Variants in SLCO3A1 observed in about 807,000 individuals in gnomAD.
SLCO3A1 encodes the protein solute carrier organic anion transporter family member 3A1, also known as PGE1 transporter.
A neutral mutation model predicts 63.1 loss-of-function variants in SLCO3A1; 27 were observed. The observed-to-expected ratio is 0.43, with a 90% CI of 0.32 to 0.59. SLCO3A1 has a LOEUF of 0.59. Among genes scored for constraint, SLCO3A1 ranks in the 20% least tolerant of loss-of-function variants. The pLI, the probability that SLCO3A1 is intolerant of heterozygous loss-of-function variation, is 0.09. For synonymous variants in SLCO3A1, 473 were observed against 409.9 expected, an observed-to-expected ratio of 1.15 and a Z score of -1.86; for missense variants, 773 against 945.8, an observed-to-expected ratio of 0.82 and a Z score of 2.40.
At chr15:92,139,201 G>C (rs2048096276) in intron 7 of SLCO3A1, among the ~76,000 whole-genome samples, 1 of 150,080 alleles carries the variant, frequency 6.7e-6, no homozygotes, top group South Asian at 2.1e-4. Flanking sequence ...GTTGAATTTT[G>C]TCAAAGGCTT....
chr15:92,074,275 C>T (rs570353359), intron 2 of SLCO3A1, among the ~76,000 whole-genome samples: 13 of 152,316 alleles, frequency 8.5e-5, no homozygotes, highest in African/African-American at 2.9e-4. Flanking sequence ...TTGCTGCCTG[C>T]CCATTGCTGA....
chr15:91,905,077 T>G (rs1898261165), intron 1 of SLCO3A1, among the ~76,000 whole-genome samples: 1 of 152,174 alleles, frequency 6.6e-6, no homozygotes, highest in Non-Finnish European at 1.5e-5. Flanking sequence ...TTCCACATCA[T>G]TGCTCTCACA....
At chr15:91,939,218 A>G (rs1899527461) in intron 2 of SLCO3A1, among the ~76,000 whole-genome samples, 1 of 152,140 alleles carries the variant, frequency 6.6e-6, no homozygotes, top group Admixed American at 6.5e-5. Context: ...AAATGGCCAA[A>G]ACAGGAACGA....
At chr15:92,160,853 C>T (rs2048428140) in intron 9 of SLCO3A1, among the ~76,000 whole-genome samples, 1 of 152,154 alleles carries the variant, frequency 6.6e-6, no homozygotes, top group African/African-American at 2.4e-5. Context: ...CCTTTGGAGG[C>T]CCCACAGAAT....
chr15:91,941,049 C>A lies in SLCO3A1; in HGVS notation c.646+24591C>A, dbSNP rs1899603316. Among the ~76,000 whole-genome samples the A allele has an allele frequency of 1.3e-5, 2 of 152,142 alleles. No individual in the cohort carries two copies. Among genetic ancestry groups the A allele is most frequent in the South Asian group, 4.1e-4 (2 of 4,832 alleles). On this transcript the variant is annotated intron_variant, in intron 2 of 9. Coordinates refer to ENST00000318445, the MANE Select transcript of SLCO3A1 (RefSeq NM_013272.4). The surrounding 1 kb of genome is among the most constrained non-coding windows in gnomAD (Gnocchi z 4.4). Reference sequence around the variant, plus strand: ...GAGGGAGTGGGTGGAAAGGAAATCACCCTTTAAAATTTATGACCATTTTCT... The same window carrying A: ...GAGGGAGTGGGTGGAAAGGAAATCAACCTTTAAAATTTATGACCATTTTCT...
chr15:92,130,885 CAAAAAAAAAA>C (rs993611856), intron 7 of SLCO3A1, among the ~76,000 whole-genome samples: 9 of 21,802 alleles, frequency 4.1e-4, no homozygotes, highest in African/African-American at 8.6e-4. Context: ...AAGTTCGGGG[CAAAAAAAAAA>C]AAAAAAAAAA....
chr15:91,969,349 A>C (rs1900775461), intron 2 of SLCO3A1, among the ~76,000 whole-genome samples: 1 of 151,026 alleles, frequency 6.6e-6, no homozygotes, highest in Non-Finnish European at 1.5e-5. Context: ...TCTGTTGCCC[A>C]GGCTGGATTG....
intron 1 of SLCO3A1, among the ~76,000 whole-genome samples, chr15:91,871,262 A>G (rs1209775059): frequency 2.0e-5 from 3 of 152,128 alleles, no homozygotes; most frequent in African/African-American, 7.2e-5. Flanking sequence ...GTTGAGCTGT[A>G]GCAGGTCGTA....
At chr15:92,022,549 C>T (rs2046523182) in intron 2 of SLCO3A1, among the ~76,000 whole-genome samples, 3 of 152,156 alleles carry the variant, frequency 2.0e-5, no homozygotes, top group Admixed American at 1.3e-4. Flanking sequence ...ACAAAACGCT[C>T]GTGAGAGAAG....
In SLCO3A1 at chr15:91,875,069, G is replaced by T. The variant is rs1897367450; in HGVS notation, c.180+20981G>T. On this transcript the variant is annotated intron_variant, in intron 1 of 9. Transcript: ENST00000318445. This position sits in a 1 kb window ranked among gnomAD's most constrained non-coding sequence, Gnocchi z 4.5. ...ACCACTCCACATGAAACAGACATTT[G>T]CCGCCTTGAAGTTGGCAGACAGTCT... is the stretch of plus-strand genomic sequence containing the variant. 6.6e-6 allele frequency among the ~76,000 whole-genome samples: 1 copy of T among 152,196 alleles called. No individual in the cohort carries two copies. Among genetic ancestry groups the T allele is most frequent in the African/African-American group, 2.4e-5 (1 of 41,440 alleles).
In SLCO3A1 at chr15:91,942,635, T is replaced by G. The variant is rs111237165; in HGVS notation, c.646+26177T>G. On this transcript the variant is annotated intron_variant, in intron 2 of 9. Coordinates refer to ENST00000318445, the MANE Select transcript of SLCO3A1 (RefSeq NM_013272.4). The surrounding 1 kb of genome is among the most constrained non-coding windows in gnomAD (Gnocchi z 4.1). ...GTCTTGCTCTGTCGACCAGGCTGGA[T>G]TGCAGTGGCCCAATCTCAGCTCACT... Among the ~76,000 whole-genome samples, 12,080 of 152,206 alleles carry G rather than the reference T, an allele frequency of 0.079. 556 individuals are homozygous for G. Among genetic ancestry groups the G allele is most frequent in the Non-Finnish European group, 0.09 (6,103 of 67,990 alleles).
chr15:92,020,553 G>A (rs2046496523), intron 2 of SLCO3A1, among the ~76,000 whole-genome samples: 1 of 152,150 alleles, frequency 6.6e-6, no homozygotes, highest in South Asian at 2.1e-4. Context: ...GTTTCATGGT[G>A]GCCACTCTTG....
rs550172637 is a variant in SLCO3A1, at chr15:92,164,189, T to C, written c.*1054T>C. On this transcript the variant is annotated 3_prime_UTR_variant, in exon 10 of 10. Transcript: ENST00000318445. ...ATTATGCTGGTTGCTTTTACTTTTT[T>C]TCTCCTTTTTTAATGCACCAAAAAT... 1.0e-6 allele frequency: 1 copy of C among 985,374 alleles called. No homozygotes were observed. The highest frequency in any genetic ancestry group is 1.7e-5 in the African/African-American group (1 of 57,358). 61.0% of individuals were successfully genotyped at this position (985,374 alleles called of 1,614,324 possible).
chr15:91,963,414 G>C lies in SLCO3A1; in HGVS notation c.646+46956G>C, dbSNP rs796141695. 2.0e-4 allele frequency among the ~76,000 whole-genome samples: 26 copies of C among 132,586 alleles called. 1 individual carries two copies. Among genetic ancestry groups the C allele is most frequent in the African/African-American group, 3.6e-4 (13 of 35,952 alleles). The allele number at this position is 132,586 out of a possible 152,430, so 87.0% of individuals were successfully genotyped here. A position where few individuals can be genotyped will look rare whatever the true frequency, so the allele number is the denominator to read the frequency against. ...GGGTTTAACTCGGGGAGGGTGGGGGGGGGGGGCGGCAGCAGCCTGGGGCTG... is the reference window on the plus strand; with the variant it reads ...GGGTTTAACTCGGGGAGGGTGGGGGCGGGGGGCGGCAGCAGCCTGGGGCTG... On this transcript the variant is annotated intron_variant, in intron 2 of 9. Coordinates refer to ENST00000318445, the MANE Select transcript of SLCO3A1 (RefSeq NM_013272.4).
intron 2 of SLCO3A1, among the ~76,000 whole-genome samples, chr15:91,956,638 TAGGCCCTGGGGAGAAAC>T (rs1303485532): frequency 6.6e-6 from 1 of 151,896 alleles, no homozygotes; most frequent in Non-Finnish European, 1.5e-5. Flanking sequence ...TTGCTGAGGC[TAGGCCCTGGGGAGAAAC>T]AGCCTAAAAC....
rs566924850 is a variant in SLCO3A1, at chr15:91,870,257, ATATACT to A, written c.180+16174_180+16179del. ...CATGGAAAAATGACTGGCTGAGTAG[ATATACT>A]TATAAAATGTATGTTCTAAAAATAG... On this transcript the variant is annotated intron_variant, in intron 1 of 9. Transcript: ENST00000318445. 3.3e-3 allele frequency among the ~76,000 whole-genome samples: 497 copies of A among 152,350 alleles called. 1 individual carries two copies. Among genetic ancestry groups the A allele is most frequent in the Admixed American group, 5.5e-3 (84 of 15,306 alleles).
intron 2 of SLCO3A1, among the ~76,000 whole-genome samples, chr15:91,928,120 T>C (rs767595574): frequency 1.7e-4 from 26 of 152,252 alleles, no homozygotes; most frequent in Admixed American, 1.6e-3. Flanking sequence ...TTGTTACTGG[T>C]TGTGTGTTTA....
rs1285584464 is a variant in SLCO3A1, at chr15:91,862,312, C to T, written c.180+8224C>T. Among the ~76,000 whole-genome samples, 6 of 151,990 alleles carry T rather than the reference C, an allele frequency of 3.9e-5. No homozygotes were observed. Among genetic ancestry groups the T allele is most frequent in the African/African-American group, 1.5e-4 (6 of 41,370 alleles). ...GGGACTACAGGCGCGTACCACCACT[C>T]GGCTAATTTTTTGTATTTTTTTTAG... On this transcript the variant is annotated intron_variant, in intron 1 of 9. Coordinates refer to ENST00000318445, the MANE Select transcript of SLCO3A1 (RefSeq NM_013272.4). The surrounding 1 kb of genome is among the most constrained non-coding windows in gnomAD (Gnocchi z 4.0).
chr15:92,076,913 A>G (rs970744192), intron 2 of SLCO3A1, among the ~76,000 whole-genome samples: 1 of 152,236 alleles, frequency 6.6e-6, no homozygotes, highest in African/African-American at 2.4e-5. Flanking sequence ...CATGCTGCTA[A>G]TAAAGACACA....
Sources: gnomAD v4.1 joint callset for allele counts (sites outside exome capture counted in the v4.1 genomes callset) on GRCh38, gnomAD v4.1.1 for gene constraint, Gnocchi (gnomAD v3.1) non-coding constraint, MANE v1.5 for transcripts, NCBI Gene and HGNC (gene_info 2026-07-23, HGNC 2026-07-21) for gene names.